Variants in CTNNA2 observed in about 807,000 individuals in gnomAD.
CTNNA2 encodes catenin alpha-2.
In CTNNA2, 42 loss-of-function variants were observed where a neutral mutation model predicts 101.0. The ratio of observed to expected loss-of-function variants is 0.42; its 90% CI spans 0.32 to 0.54. The LOEUF (loss-of-function observed/expected upper bound fraction) is 0.54, where lower values mean the gene tolerates loss of function less well. CTNNA2 is among the 20% of genes least tolerant of loss of function. The pLI, the probability that CTNNA2 is intolerant of heterozygous loss-of-function variation, is 0.14. For synonymous variants in CTNNA2, 450 were observed against 456.4 expected, an observed-to-expected ratio of 0.99 and a Z score of 0.18; for missense variants, 871 against 1,223.1, an observed-to-expected ratio of 0.71 and a Z score of 4.29.
At chr2:80,123,509 A>G (rs759868019) in intron 7 of CTNNA2, among the ~76,000 whole-genome samples, 7 of 151,894 alleles carry the variant, frequency 4.6e-5, no homozygotes, top group Non-Finnish European at 8.8e-5. Context: ...TTAATAACAC[A>G]TGGTATTCAA....
intron 7 of CTNNA2, among the ~76,000 whole-genome samples, chr2:80,334,120 T>G (rs1480795726): frequency 6.6e-6 from 1 of 152,224 alleles, no homozygotes; most frequent in Non-Finnish European, 1.5e-5. Context: ...TTGAAGAATA[T>G]CTTTTGAATT....
At chr2:80,269,861 A>G (rs771674472) in intron 7 of CTNNA2, among the ~76,000 whole-genome samples, 11 of 152,184 alleles carry the variant, frequency 7.2e-5, no homozygotes, top group Non-Finnish European at 1.5e-4. Flanking sequence ...ATTATTTTTT[A>G]TATTGAGTTG....
rs186055321 is a variant in CTNNA2, at chr2:79,951,297, G to T, written c.1056+41500G>T. ...CACAGCCACCCCGCCCAAAGATAAAGTGCTTCAGGTGATTCTAATGTACAG... is the reference window on the plus strand; with the variant it reads ...CACAGCCACCCCGCCCAAAGATAAATTGCTTCAGGTGATTCTAATGTACAG... On this transcript the variant is annotated intron_variant, in intron 7 of 18. Transcript: ENST00000402739. Among the ~76,000 whole-genome samples, 29 of 152,252 alleles carry T rather than the reference G, an allele frequency of 1.9e-4. 1 individual carries two copies. Among genetic ancestry groups the T allele is most frequent in the Admixed American group, 1.4e-3 (22 of 15,290 alleles).
At chr2:79,956,322 A>G (rs1689218762) in intron 7 of CTNNA2, among the ~76,000 whole-genome samples, 1 of 152,138 alleles carries the variant, frequency 6.6e-6, no homozygotes. Flanking sequence ...CTTTCCTTTT[A>G]ACAGAATACT....
At chr2:80,181,815 T>C (rs1424683904) in intron 7 of CTNNA2, among the ~76,000 whole-genome samples, 1 of 152,232 alleles carries the variant, frequency 6.6e-6, no homozygotes, top group Non-Finnish European at 1.5e-5. Flanking sequence ...TTTGCATAAC[T>C]GTCTAAACAG....
At chr2:80,098,360 T>C (rs1700304066) in intron 7 of CTNNA2, among the ~76,000 whole-genome samples, 1 of 152,186 alleles carries the variant, frequency 6.6e-6, no homozygotes, top group Non-Finnish European at 1.5e-5. Flanking sequence ...TGATCGTTCC[T>C]CTGGAAGTTT....
chr2:80,214,035 A>G (rs1708087487), intron 7 of CTNNA2, among the ~76,000 whole-genome samples: 1 of 151,792 alleles, frequency 6.6e-6, no homozygotes, highest in Admixed American at 6.6e-5. Flanking sequence ...TAGGATTGCA[A>G]CCCCTGCTTG....
intron 1 of CTNNA2, among the ~76,000 whole-genome samples, chr2:79,639,104 C>G (rs551733130): frequency 2.7e-4 from 41 of 152,298 alleles, no homozygotes; most frequent in Admixed American, 1.0e-3. Context: ...TGGGTACTGC[C>G]TGATCTAAAT....
At chr2:79,350,058 A>G (rs1372292777) in intron 3 of CTNNA2, among the ~76,000 whole-genome samples, 1 of 127,846 alleles carries the variant, frequency 7.8e-6, no homozygotes, top group Non-Finnish European at 1.6e-5. Context: ...TGGACGACAG[A>G]GCGAGACTCC....
At chr2:80,445,834 A>T (rs527407424) in intron 9 of CTNNA2, among the ~76,000 whole-genome samples, 10 of 152,324 alleles carry the variant, frequency 6.6e-5, no homozygotes, top group African/African-American at 2.2e-4. Flanking sequence ...ACTTGGGATT[A>T]TGAAGTGAGC....
intron 3 of CTNNA2, among the ~76,000 whole-genome samples, chr2:79,816,999 T>C (rs1013125985): frequency 4.6e-5 from 7 of 151,588 alleles, no homozygotes; most frequent in African/African-American, 1.7e-4. Flanking sequence ...TTTGTTTCTT[T>C]TTTTTTATAG....
At chr2:80,582,613 T>A (rs1456788793) in intron 14 of CTNNA2, among the ~76,000 whole-genome samples, 1 of 152,078 alleles carries the variant, frequency 6.6e-6, no homozygotes, top group African/African-American at 2.4e-5. Context: ...TGGTAAGAGA[T>A]GAAATCTTTA....
At chr2:80,621,415 AT>A (rs756039950) in intron 18 of CTNNA2, among the ~76,000 whole-genome samples, 2 of 151,976 alleles carry the variant, frequency 1.3e-5, no homozygotes, top group Admixed American at 6.6e-5. Flanking sequence ...TTAATAATAG[AT>A]GTGGCTGAGC....
intron 3 of CTNNA2, among the ~76,000 whole-genome samples, chr2:79,793,615 C>T (rs933766776): frequency 4.6e-5 from 7 of 152,096 alleles, no homozygotes; most frequent in African/African-American, 9.6e-5. Context: ...AAGAGAGTCT[C>T]GAATAAAGGG....
chr2:79,962,251 T>A (rs1258811601), intron 7 of CTNNA2, among the ~76,000 whole-genome samples: 4 of 152,226 alleles, frequency 2.6e-5, no homozygotes, highest in African/African-American at 9.6e-5. Flanking sequence ...AGATTTGGAG[T>A]CTGGCGATGG....
chr2:80,082,946 G>C (rs1287597749), intron 7 of CTNNA2, among the ~76,000 whole-genome samples: 6 of 152,002 alleles, frequency 3.9e-5, no homozygotes, highest in Non-Finnish European at 7.4e-5. Context: ...GCTCCATATT[G>C]AATTGTATTA....
At position 80,303,501 on chromosome 2, in the gene CTNNA2, C is replaced by G; in HGVS notation, c.1057-89710C>G. The G allele has an allele frequency of 2.5e-6, 4 of 1,614,222 alleles. No individual in the cohort carries two copies. Among genetic ancestry groups the G allele is most frequent in the Non-Finnish European group, 3.4e-6 (4 of 1,180,042 alleles). ...ACTCGGCGCAGTTTCTGAAAGGCGTCCCCCTGCACGGAGCAGATGTGATTG... is the reference window on the plus strand; with the variant it reads ...ACTCGGCGCAGTTTCTGAAAGGCGTGCCCCTGCACGGAGCAGATGTGATTG... On this transcript the variant is annotated intron_variant, in intron 7 of 18. Coordinates refer to ENST00000402739, the MANE Select transcript of CTNNA2 (RefSeq NM_001282597.3). The surrounding 1 kb of genome is among the most constrained non-coding windows in gnomAD (Gnocchi z 7.7).
intron 9 of CTNNA2, among the ~76,000 whole-genome samples, chr2:80,522,225 A>G (rs1477572427): frequency 6.6e-6 from 1 of 152,078 alleles, no homozygotes. Flanking sequence ...TGTCAGGGTG[A>G]TTGGTAGTTA....
intron 4 of CTNNA2, among the ~76,000 whole-genome samples, chr2:79,391,088 T>G (rs1310938071): frequency 6.6e-6 from 1 of 152,178 alleles, no homozygotes; most frequent in Non-Finnish European, 1.5e-5. Context: ...TCCCCATTCC[T>G]CTGCCTTCCT....
Sources: gnomAD v4.1 joint callset for allele counts (sites outside exome capture counted in the v4.1 genomes callset) on GRCh38, gnomAD v4.1.1 for gene constraint, Gnocchi (gnomAD v3.1) non-coding constraint, MANE v1.5 for transcripts, NCBI Gene and HGNC (gene_info 2026-07-23, HGNC 2026-07-21) for gene names.